The following DLC1 variants were observed in gnomAD, a reference collection of about 807,000 sequenced individuals.
DLC1 encodes rho GTPase-activating protein 7.
Under a neutral mutation model 140.3 loss-of-function variants are expected in DLC1, and 54 were observed. That is an observed-to-expected ratio of 0.38 (90% confidence interval 0.31 to 0.48). The LOEUF is 0.48. Among genes scored for constraint, DLC1 ranks in the 20% least tolerant of loss-of-function variants. The probability of loss-of-function intolerance (pLI) is 0.96; values close to 1 mark genes in which losing one functional copy is unlikely to be tolerated. For missense variants in DLC1, 2,536 were observed against 1,907.0 expected (o/e 1.33, Z -6.14); for synonymous variants, 986 against 728.1 (o/e 1.35, Z -5.70).
At chr8:13,521,962 G>A (rs1400620122) in intron 1 of DLC1, among the ~76,000 whole-genome samples, 4 of 152,128 alleles carry the variant, frequency 2.6e-5, no homozygotes, top group African/African-American at 9.7e-5. Flanking sequence ...TATCACAGCT[G>A]CACCTTTTTC....
At chr8:13,350,168 C>T (rs1235270222) in intron 4 of DLC1, among the ~76,000 whole-genome samples, 1 of 152,326 alleles carries the variant, frequency 6.6e-6, no homozygotes, top group African/African-American at 2.4e-5. Flanking sequence ...ATACATGCCA[C>T]AGCTATTCCT....
intron 1 of DLC1, among the ~76,000 whole-genome samples, chr8:13,524,989 C>G (rs951230357): frequency 6.6e-6 from 1 of 152,026 alleles, no homozygotes; most frequent in Non-Finnish European, 1.5e-5. Context: ...ATCTCTCCCT[C>G]TTGCTCCTTT....
chr8:13,201,799 CATTT>C (rs1471128270), intron 5 of DLC1, among the ~76,000 whole-genome samples: 1 of 150,824 alleles, frequency 6.6e-6, no homozygotes, highest in African/African-American at 2.4e-5. Flanking sequence ...TTTTTTCAAA[CATTT>C]ATTTATTTTA....
At chr8:13,097,243 T>A (rs778405035) in intron 10 of DLC1, among the ~76,000 whole-genome samples, 5 of 104,698 alleles carry the variant, frequency 4.8e-5, no homozygotes, top group Non-Finnish European at 7.9e-5. Context: ...AATATTCACA[T>A]CCAAATTTAT....
intron 2 of DLC1, among the ~76,000 whole-genome samples, chr8:13,490,957 C>T (rs917352135): frequency 6.8e-6 from 1 of 146,466 alleles, no homozygotes; most frequent in Non-Finnish European, 1.5e-5. Flanking sequence ...GGTTTAATTA[C>T]CCTCATTCAG....
chr8:13,421,179 A>G (rs1380669802), intron 2 of DLC1, among the ~76,000 whole-genome samples: 1 of 152,134 alleles, frequency 6.6e-6, no homozygotes, highest in African/African-American at 2.4e-5. Flanking sequence ...TATTTTTAAC[A>G]TAACTATTTC....
rs551719624 is a variant in DLC1 at position 13,433,367 on chromosome 8, A to T, written c.1024-31748T>A. On this transcript the variant is annotated intron_variant, in intron 2 of 17. Coordinates refer to ENST00000276297, the MANE Select transcript of DLC1 (RefSeq NM_182643.3). ...TGGAATAGGGTTTGGGGACTGTCAC[A>T]TTTCCACAGTGGAAACTTCTATTAA... 6.6e-5 allele frequency among the ~76,000 whole-genome samples: 10 copies of T among 152,264 alleles called. No homozygotes were observed. In the South Asian group the frequency reaches 1.9e-3, roughly 28 times the overall value.
chr8:13,272,114 A>C (rs144118374), intron 5 of DLC1, among the ~76,000 whole-genome samples: 204 of 152,366 alleles, frequency 1.3e-3, no homozygotes, highest in African/African-American at 4.8e-3. Context: ...TGTCATTGAT[A>C]CTATTTAGTA....
chr8:13,290,897 G>T (rs750996424), intron 5 of DLC1, among the ~76,000 whole-genome samples: 10 of 152,154 alleles, frequency 6.6e-5, no homozygotes, highest in Non-Finnish European at 1.2e-4. Context: ...CAGAGCTGGA[G>T]ACTGTGCAGA....
chr8:13,141,094 A>G (rs1332444494), intron 5 of DLC1, among the ~76,000 whole-genome samples: 1 of 151,924 alleles, frequency 6.6e-6, no homozygotes, highest in Non-Finnish European at 1.5e-5. Context: ...CATCACTACT[A>G]AAAATACAAA....
intron 4 of DLC1, among the ~76,000 whole-genome samples, chr8:13,387,318 A>G (rs1160241469): frequency 1.3e-5 from 2 of 152,026 alleles, no homozygotes; most frequent in African/African-American, 4.8e-5. Flanking sequence ...TTAAATATTG[A>G]ACAGCATTAG....
chr8:13,354,079 G>C (rs1416763220), intron 4 of DLC1, among the ~76,000 whole-genome samples: 1 of 149,052 alleles, frequency 6.7e-6, no homozygotes, highest in Non-Finnish European at 1.5e-5. Flanking sequence ...CTGTGGTTTT[G>C]CCCTTCAGAC....
chr8:13,165,501 C>T (rs1254249667), intron 5 of DLC1, among the ~76,000 whole-genome samples: 1 of 152,240 alleles, frequency 6.6e-6, no homozygotes, highest in Non-Finnish European at 1.5e-5. Flanking sequence ...ACAGTCACCT[C>T]ATGGTCCGTA....
intron 2 of DLC1, among the ~76,000 whole-genome samples, chr8:13,448,210 C>T (rs1244741695): frequency 3.9e-5 from 6 of 152,044 alleles, no homozygotes; most frequent in Non-Finnish European, 7.4e-5. Flanking sequence ...TGTCCCTGTG[C>T]GTATCTGCTT....
chr8:13,233,106 C>A (rs1302526076), intron 5 of DLC1, among the ~76,000 whole-genome samples: 1 of 151,790 alleles, frequency 6.6e-6, no homozygotes, highest in Admixed American at 6.6e-5. Flanking sequence ...ACCAGCCTGG[C>A]CAACATGGCA....
At chr8:13,367,739 T>G (rs1448019133) in intron 4 of DLC1, among the ~76,000 whole-genome samples, 1 of 152,190 alleles carries the variant, frequency 6.6e-6, no homozygotes, top group African/African-American at 2.4e-5. Flanking sequence ...TTTTGTTTCA[T>G]CTGAAATTGG....
At chr8:13,382,399 C>T (rs1488783155) in intron 4 of DLC1, among the ~76,000 whole-genome samples, 4 of 145,010 alleles carry the variant, frequency 2.8e-5, no homozygotes, top group East Asian at 2.1e-4. Context: ...CCCAGCTACT[C>T]GGGAGGCTGA....
intron 1 of DLC1, among the ~76,000 whole-genome samples, chr8:13,550,316 T>G (rs1173841225): frequency 6.6e-6 from 1 of 152,148 alleles, no homozygotes; most frequent in East Asian, 1.9e-4. Context: ...AGGTCCTTGC[T>G]TCCCCTTTGT....
At chr8:13,349,247 T>C (rs912235389) in intron 4 of DLC1, among the ~76,000 whole-genome samples, 7 of 152,068 alleles carry the variant, frequency 4.6e-5, no homozygotes, top group African/African-American at 1.7e-4. Flanking sequence ...ATGAAGACCT[T>C]TTGAAGACCA....
Sources: allele counts gnomAD v4.1 joint callset (sites outside exome capture counted in the v4.1 genomes callset), GRCh38; gene constraint gnomAD v4.1.1; transcripts MANE v1.5; gene names NCBI Gene and HGNC (gene_info 2026-07-23, HGNC 2026-07-21).